The following ANKFN1 variants were observed in gnomAD, a reference collection of about 807,000 sequenced individuals.
The protein encoded by ANKFN1 is ankyrin repeat and fibronectin type-III domain-containing protein 1.
In ANKFN1, 74 loss-of-function variants were observed where a neutral mutation model predicts 108.7. The observed-to-expected ratio is 0.68, with a 90% CI of 0.56 to 0.83. The LOEUF is 0.83. Among genes scored for constraint, ANKFN1 ranks in the 40% least tolerant of loss-of-function variants. The pLI, the probability that ANKFN1 is intolerant of heterozygous loss-of-function variation, is 0.00. For missense variants in ANKFN1, 1,505 were observed against 1,382.3 expected, an observed-to-expected ratio of 1.09 and a Z score of -1.41; for synonymous variants, 547 against 516.2, an observed-to-expected ratio of 1.06 and a Z score of -0.81.
At chr17:56,289,874 T>C (rs1420085608) in intron 3 of ANKFN1, among the ~76,000 whole-genome samples, 1 of 152,176 alleles carries the variant, frequency 6.6e-6, no homozygotes, top group African/African-American at 2.4e-5. Flanking sequence ...TGAACAGCAC[T>C]TTGTGTTTTC....
intron 3 of ANKFN1, among the ~76,000 whole-genome samples, chr17:56,235,157 C>T (rs1430746528): frequency 6.6e-6 from 1 of 152,064 alleles, no homozygotes; most frequent in Non-Finnish European, 1.5e-5. Flanking sequence ...TCTTCTTTTG[C>T]AGTGTCTGTT....
chr17:56,049,764 G>A (rs1338715304), intron 4 of ANKFN1, among the ~76,000 whole-genome samples: 5 of 147,112 alleles, frequency 3.4e-5, no homozygotes, highest in African/African-American at 1.0e-4. Flanking sequence ...GTGTATATGT[G>A]CCACATTTTC....
intron 4 of ANKFN1, among the ~76,000 whole-genome samples, chr17:56,054,412 T>A (rs909746992): frequency 1.8e-4 from 27 of 152,216 alleles, no homozygotes; most frequent in Non-Finnish European, 3.2e-4. Context: ...AGTCTGACCC[T>A]GATGCCTGTT....
At chr17:56,273,355 C>A (rs1308405392) in intron 3 of ANKFN1, among the ~76,000 whole-genome samples, 1 of 152,084 alleles carries the variant, frequency 6.6e-6, no homozygotes, top group Admixed American at 6.5e-5. Context: ...TTGTTTGACA[C>A]TTGGATTTTT....
intron 3 of ANKFN1, among the ~76,000 whole-genome samples, chr17:56,323,815 G>A (rs1314531690): frequency 6.6e-6 from 1 of 152,196 alleles, no homozygotes; most frequent in African/African-American, 2.4e-5. Context: ...ACATACAGCA[G>A]AGAATAAGAG....
At chr17:56,094,916 G>A (rs17759200) in intron 4 of ANKFN1, among the ~76,000 whole-genome samples, 54,809 of 150,560 alleles carry the variant, frequency 0.36, 12,703 homozygotes, top group Non-Finnish European at 0.49. Flanking sequence ...ACTAGTGAAT[G>A]CTGGCTATCA....
chr17:56,416,596 C>T (rs115402249), intron 8 of ANKFN1, among the ~76,000 whole-genome samples: 2,997 of 152,248 alleles, frequency 0.02, 88 homozygotes, highest in African/African-American at 0.066. Flanking sequence ...AATCCTCGTA[C>T]GCTGTTGGTG....
intron 8 of ANKFN1, among the ~76,000 whole-genome samples, chr17:56,399,843 T>TATATATATA (rs1555645720): frequency 1.5e-4 from 10 of 64,758 alleles, no homozygotes; most frequent in African/African-American, 3.0e-4. Flanking sequence ...ATTCCATTTT[T>TATATATATA]TATATATATA....
At chr17:56,272,153 A>G (rs997081663) in intron 3 of ANKFN1, among the ~76,000 whole-genome samples, 3 of 152,182 alleles carry the variant, frequency 2.0e-5, no homozygotes, top group African/African-American at 7.2e-5. Flanking sequence ...ACGGTATAAT[A>G]CCTTTAGAAA....
intron 4 of ANKFN1, among the ~76,000 whole-genome samples, chr17:56,331,001 C>G (rs889557396): frequency 6.6e-6 from 1 of 152,074 alleles, no homozygotes; most frequent in African/African-American, 2.4e-5. Context: ...GATTGGCCAC[C>G]CTTTAGCACT....
At chr17:56,453,013 A>G (rs1002632364) in intron 11 of ANKFN1, among the ~76,000 whole-genome samples, 1 of 152,164 alleles carries the variant, frequency 6.6e-6, no homozygotes, top group Non-Finnish European at 1.5e-5. Context: ...AAAGCAGTTA[A>G]AACAGTTTTA....
chr17:56,049,245 G>A (rs115560191), intron 4 of ANKFN1, among the ~76,000 whole-genome samples: 5,351 of 152,176 alleles, frequency 0.035, 276 homozygotes, highest in African/African-American at 0.11. Flanking sequence ...TTATTCATTC[G>A]CTAATGATTT....
chr17:56,280,433 T>G (rs1455264874), intron 3 of ANKFN1, among the ~76,000 whole-genome samples: 1 of 152,110 alleles, frequency 6.6e-6, no homozygotes, highest in East Asian at 1.9e-4. Flanking sequence ...GCCTTCCACC[T>G]CCAGGATTTA....
intron 4 of ANKFN1, among the ~76,000 whole-genome samples, chr17:56,138,180 A>G (rs1907701125): frequency 6.6e-6 from 1 of 152,214 alleles, no homozygotes; most frequent in Non-Finnish European, 1.5e-5. Flanking sequence ...CACTATGATT[A>G]CTCAGTTGAA....
At chr17:56,454,444 G>T (rs75286282) in intron 11 of ANKFN1, among the ~76,000 whole-genome samples, 2,770 of 152,120 alleles carry the variant, frequency 0.018, 56 homozygotes, top group East Asian at 0.093. Flanking sequence ...TTGGTCTTTG[G>T]TTTACTAATT....
intron 3 of ANKFN1, among the ~76,000 whole-genome samples, chr17:56,294,391 G>A (rs948000782): frequency 6.6e-6 from 1 of 152,162 alleles, no homozygotes; most frequent in Admixed American, 6.5e-5. Flanking sequence ...AAGATTCTTA[G>A]GCCACAGGCC....
chr17:56,274,750 G>T (rs1219192967), intron 3 of ANKFN1, among the ~76,000 whole-genome samples: 1 of 152,050 alleles, frequency 6.6e-6, no homozygotes, highest in Non-Finnish European at 1.5e-5. Context: ...TACAGCTGTG[G>T]TCTCCACATA....
intron 3 of ANKFN1, among the ~76,000 whole-genome samples, chr17:56,252,968 G>A (rs528780499): frequency 6.6e-6 from 1 of 152,128 alleles, no homozygotes. Context: ...AGGGTGAGGT[G>A]GGGGGATTGC....
chr17:56,344,299 G>T (rs2046038542), intron 4 of ANKFN1, among the ~76,000 whole-genome samples: 1 of 152,022 alleles, frequency 6.6e-6, no homozygotes, highest in African/African-American at 2.4e-5. Context: ...CACTGAAGTT[G>T]CTACTTGGTT....
Sources: allele counts gnomAD v4.1 joint callset (sites outside exome capture counted in the v4.1 genomes callset), GRCh38; gene constraint gnomAD v4.1.1; transcripts MANE v1.5; gene names NCBI Gene and HGNC (gene_info 2026-07-23, HGNC 2026-07-21).